AP3D1: variants seen among roughly 807,000 people sequenced by gnomAD.
The protein encoded by AP3D1 is AP-3 complex subunit delta-1.
In AP3D1, 51 loss-of-function variants were observed where a neutral mutation model predicts 147.6. That is an observed-to-expected ratio of 0.35 (90% CI 0.28 to 0.44). The LOEUF is 0.44. Ranked by LOEUF, AP3D1 falls within the 20% of genes least tolerant of loss-of-function variation. The pLI is 1.00. For missense variants in AP3D1, 1,421 were observed against 1,624.2 expected (o/e 0.87, Z 2.15); for synonymous variants, 760 against 663.0 (o/e 1.15, Z -2.25).
intron 1 of AP3D1, among the ~76,000 whole-genome samples, chr19:2,147,714 G>C (rs1256378720): frequency 6.6e-6 from 1 of 150,528 alleles, no homozygotes; most frequent in African/African-American, 2.4e-5. Flanking sequence ...GCCAACATGG[G>C]GAAACCCCAT....
At chr19:2,150,788 A>G (rs2019486169) in intron 1 of AP3D1, among the ~76,000 whole-genome samples, 1 of 151,952 alleles carries the variant, frequency 6.6e-6, no homozygotes, top group Non-Finnish European at 1.5e-5. Context: ...GGGCCCCTGC[A>G]TTTTTAATCG....
At chr19:2,161,413 C>T (rs2019697498) in intron 1 of AP3D1, among the ~76,000 whole-genome samples, 1 of 151,964 alleles carries the variant, frequency 6.6e-6, no homozygotes, top group African/African-American at 2.4e-5. Flanking sequence ...CCGCCCCCCT[C>T]AGCCTCCCAA....
At chr19:2,114,924 A>G in intron 20 of AP3D1, 103 bp from the exon 21 acceptor site, 1 of 1,288,584 alleles carries the variant, frequency 7.8e-7, no homozygotes, top group Non-Finnish European at 1.1e-6. Flanking sequence ...GGCCACACGC[A>G]CAGGTGGGCA....
chr19:2,145,232 G>A (rs1236390834), intron 1 of AP3D1, among the ~76,000 whole-genome samples: 1 of 152,222 alleles, frequency 6.6e-6, no homozygotes, highest in African/African-American at 2.4e-5. Flanking sequence ...AGCAGAGGAG[G>A]GTCCTCAGGC....
intron 1 of AP3D1, among the ~76,000 whole-genome samples, chr19:2,150,099 G>A (rs897187630): frequency 1.3e-5 from 2 of 152,204 alleles, no homozygotes; most frequent in African/African-American, 4.8e-5. Context: ...GTAACAATAC[G>A]GCAAGAGCTC....
intron 4 of AP3D1, among the ~76,000 whole-genome samples, chr19:2,133,220 G>C (rs2018995302): frequency 6.6e-6 from 1 of 152,164 alleles, no homozygotes; most frequent in African/African-American, 2.4e-5. Context: ...CAACTGAGGG[G>C]AAGGGCCCAG....
At chr19:2,121,414 G>A (rs999023251) in intron 12 of AP3D1, 103 bp from the exon 13 acceptor site, 1 of 1,419,058 alleles carries the variant, frequency 7.0e-7, no homozygotes, top group Non-Finnish European at 9.7e-7. Context: ...CGGGACACAG[G>A]CGGACCCGGA....
chr19:2,159,322 G>T (rs192680830), intron 1 of AP3D1, among the ~76,000 whole-genome samples: 2 of 151,284 alleles, frequency 1.3e-5, no homozygotes, highest in Admixed American at 1.3e-4. Context: ...AGGTTCAAGC[G>T]ATTCTCCTGC....
At chr19:2,116,318 C>A in intron 17 of AP3D1, 40 bp from the exon 18 acceptor site, 1 of 1,594,506 alleles carries the variant, frequency 6.3e-7, no homozygotes, top group Non-Finnish European at 8.5e-7. Flanking sequence ...GAGAAGCGGG[C>A]AGGATACCCC....
At position 2,117,077 on chromosome 19, in the gene AP3D1, T is replaced by C; in HGVS notation, c.1859+145A>G. On this transcript the variant is annotated intron_variant, in intron 16 of 31. Transcript: ENST00000643116. The stretch of plus-strand genomic sequence containing the variant: ...ACCAGTGAGAGACCTGGTGAGTCCG[T>C]GTGAGGGATATACCCGCCTGAGGCC... 4 of 1,075,302 alleles carry C rather than the reference T, an allele frequency of 3.7e-6. No homozygotes were observed. In the South Asian group the frequency reaches 7.0e-5, roughly 19 times the overall value. 66.6% of individuals were successfully genotyped at this position (1,075,302 alleles called of 1,614,324 possible).
Position 2,115,124 on chromosome 19 carries a change from C to T in AP3D1, c.2349+95G>A, listed in dbSNP as rs565680030. On this transcript the variant is annotated intron_variant, in intron 20 of 31. Coordinates refer to ENST00000643116, the MANE Select transcript of AP3D1 (RefSeq NM_001261826.3). ...GGTGGGGCCTCATCCCAGCCACCAA[C>T]GAAGACCATGGGGAGAGGCCACTGT... 5.2e-6 allele frequency: 7 copies of T among 1,333,752 alleles called. No individual in the cohort carries two copies. In the African/African-American group the frequency reaches 5.8e-5, roughly 11 times the overall value. The allele number at this position is 1,333,752 out of a possible 1,614,324, so 82.6% of individuals were successfully genotyped here.
chr19:2,127,545 G>A (rs2018791502), intron 8 of AP3D1, among the ~76,000 whole-genome samples: 1 of 152,188 alleles, frequency 6.6e-6, no homozygotes, highest in Admixed American at 6.5e-5. Context: ...TCTTTTCTGA[G>A]ACGGAGTCTC....
At chr19:2,153,457 C>G (rs1298038596), upstream of AP3D1, among the ~76,000 whole-genome samples, 1 of 152,072 alleles carries the variant, frequency 6.6e-6, no homozygotes. Context: ...GGACAGATCA[C>G]TTGAGGTCAG....
chr19:2,103,144 CAAAA>C (rs199712275), intron 31 of AP3D1, among the ~76,000 whole-genome samples: 1 of 151,934 alleles, frequency 6.6e-6, no homozygotes, highest in Admixed American at 6.6e-5. Flanking sequence ...AAAAAACAAA[CAAAA>C]AAACACTATG....
intron 22 of AP3D1, 102 bp downstream of exon 22, chr19:2,114,023 C>T (rs1475598064): frequency 6.8e-7 from 1 of 1,466,016 alleles, no homozygotes; most frequent in African/African-American, 1.4e-5. Flanking sequence ...CGCTGCCTGA[C>T]TCAGACTCAC....
chr19:2,119,052 C>T (rs1007166684), intron 14 of AP3D1, among the ~76,000 whole-genome samples: 2 of 152,184 alleles, frequency 1.3e-5, no homozygotes, highest in Non-Finnish European at 2.9e-5. Context: ...ATGACAGAGC[C>T]ACTGAATGGA....
intron 31 of AP3D1, among the ~76,000 whole-genome samples, chr19:2,106,524 G>C (rs577491685): frequency 1.3e-5 from 2 of 152,072 alleles, no homozygotes; most frequent in East Asian, 3.9e-4. Context: ...TCTAGCCTGG[G>C]TAACAGAACA....
intron 5 of AP3D1, 125 bp from the exon 6 acceptor site, chr19:2,130,662 T>C: frequency 3.5e-6 from 5 of 1,419,644 alleles, no homozygotes; most frequent in Non-Finnish European, 4.8e-6. Context: ...TGCACACCAG[T>C]CCCAGGGGCC....
rs1412614528 is a variant in AP3D1, at chr19:2,116,589, G to A, written c.2001+16C>T. The A allele has an allele frequency of 6.4e-7, 1 of 1,573,548 alleles. No individual in the cohort carries two copies. The highest frequency in any genetic ancestry group is 8.6e-7 in the Non-Finnish European group (1 of 1,161,832). On this transcript the variant is annotated intron_variant, in intron 17 of 31. Transcript: ENST00000643116. ...GGGAGGAGACGAGGGCTCGCCAGGG[G>A]CAGCCAGCAGCTCACCCGAGCCAGC...
Sources: gnomAD v4.1 joint callset for allele counts (sites outside exome capture counted in the v4.1 genomes callset) on GRCh38, gnomAD v4.1.1 for gene constraint, MANE v1.5 for transcripts, NCBI Gene and HGNC (gene_info 2026-07-23, HGNC 2026-07-21) for gene names.